Variants in SNTB1 observed in about 807,000 individuals in gnomAD.
The protein encoded by SNTB1 is syntrophin beta 1.
Under a neutral mutation model 48.9 loss-of-function variants are expected in SNTB1, and 36 were observed. The ratio of observed to expected loss-of-function variants is 0.74; its 90% CI spans 0.56 to 0.97. The LOEUF is 0.97. Among genes scored for constraint, SNTB1 ranks in the 50% least tolerant of loss-of-function variants. SNTB1 has a pLI of 0.00. For missense variants in SNTB1, 786 were observed against 703.4 expected (o/e 1.12, Z -1.33); for synonymous variants, 299 against 294.6 (o/e 1.01, Z -0.15).
At chr8:120,578,304 G>T (rs569086523) in intron 3 of SNTB1, among the ~76,000 whole-genome samples, 6 of 152,006 alleles carry the variant, frequency 3.9e-5, no homozygotes, top group African/African-American at 1.5e-4. Context: ...GAACAACAGG[G>T]TTTTAAAAGC....
chr8:120,633,507 A>C (rs1817018877), intron 2 of SNTB1, among the ~76,000 whole-genome samples: 1 of 152,178 alleles, frequency 6.6e-6, no homozygotes, highest in African/African-American at 2.4e-5. Context: ...TGGAAGGCTG[A>C]GACTGGAGAA....
intron 2 of SNTB1, among the ~76,000 whole-genome samples, chr8:120,676,536 G>A (rs1364594344): frequency 6.6e-6 from 1 of 152,188 alleles, no homozygotes; most frequent in Non-Finnish European, 1.5e-5. Flanking sequence ...TTAGTTCTCA[G>A]CTGCTATGAG....
At chr8:120,778,472 T>C (rs1476657552) in intron 1 of SNTB1, among the ~76,000 whole-genome samples, 1 of 152,246 alleles carries the variant, frequency 6.6e-6, no homozygotes. Flanking sequence ...CTGGCATTTC[T>C]GCAAACTTTT....
At chr8:120,787,936 C>G (rs546259329) in intron 1 of SNTB1, among the ~76,000 whole-genome samples, 238 of 152,276 alleles carry the variant, frequency 1.6e-3, no homozygotes, top group Non-Finnish European at 2.4e-3. Flanking sequence ...ATCAGGCTAT[C>G]TAAACTCAAC....
chr8:120,624,872 A>G (rs1201180142), intron 3 of SNTB1, among the ~76,000 whole-genome samples: 1 of 152,236 alleles, frequency 6.6e-6, no homozygotes, highest in Admixed American at 6.5e-5. Flanking sequence ...AGGGAGAAAT[A>G]GGCAAGAAGA....
intron 1 of SNTB1, among the ~76,000 whole-genome samples, chr8:120,797,546 C>CTTTTTTT (rs60374035): frequency 3.2e-4 from 22 of 69,110 alleles, no homozygotes; most frequent in South Asian, 1.4e-3. Context: ...ACTTGTTTCT[C>CTTTTTTT]TTTTTTTTTT....
At chr8:120,654,836 A>C in intron 2 of SNTB1, 1 of 365,648 alleles carries the variant, frequency 2.7e-6, no homozygotes, top group Middle Eastern at 3.8e-4. Flanking sequence ...AAATTAATAA[A>C]TAAAACAAAA....
At chr8:120,706,043 C>T (rs1205700881) in intron 1 of SNTB1, among the ~76,000 whole-genome samples, 1 of 151,986 alleles carries the variant, frequency 6.6e-6, no homozygotes, top group African/African-American at 2.4e-5. Context: ...CAGCACCTAT[C>T]TCTTAGGATT....
intron 1 of SNTB1, among the ~76,000 whole-genome samples, chr8:120,698,332 A>T (rs1419651372): frequency 6.6e-6 from 1 of 152,184 alleles, no homozygotes; most frequent in Non-Finnish European, 1.5e-5. Context: ...TCCAGAAAAT[A>T]AATTTTCAAT....
At chr8:120,689,080 A>C (rs1156667104) in intron 2 of SNTB1, among the ~76,000 whole-genome samples, 2 of 152,250 alleles carry the variant, frequency 1.3e-5, no homozygotes, top group African/African-American at 4.8e-5. Flanking sequence ...ACTGACAGCC[A>C]CTAGCATTGA....
chr8:120,594,965 A>G (rs919301512), intron 3 of SNTB1, among the ~76,000 whole-genome samples: 3 of 152,002 alleles, frequency 2.0e-5, no homozygotes, highest in Non-Finnish European at 4.4e-5. Context: ...AAAATGGTCA[A>G]TTTTATGTTA....
intron 1 of SNTB1, among the ~76,000 whole-genome samples, chr8:120,787,213 T>A (rs1396802991): frequency 6.6e-6 from 1 of 151,752 alleles, no homozygotes; most frequent in Non-Finnish European, 1.5e-5. Context: ...AAATAATTTT[T>A]AAAAAAAGTT....
At chr8:120,559,636 C>T (rs1260471678) in intron 4 of SNTB1, among the ~76,000 whole-genome samples, 2 of 151,940 alleles carry the variant, frequency 1.3e-5, no homozygotes, top group African/African-American at 4.8e-5. Flanking sequence ...TCAAATATGC[C>T]CCCTTAGCCT....
At chr8:120,669,266 G>C (rs1274624628) in intron 2 of SNTB1, among the ~76,000 whole-genome samples, 2 of 152,200 alleles carry the variant, frequency 1.3e-5, no homozygotes, top group Admixed American at 6.5e-5. Flanking sequence ...CCAAGGCACT[G>C]AGTGAATTTA....
chr8:120,757,621 C>G (rs963699282), intron 1 of SNTB1, among the ~76,000 whole-genome samples: 2 of 152,108 alleles, frequency 1.3e-5, no homozygotes, highest in Non-Finnish European at 2.9e-5. Flanking sequence ...CCTAATCACC[C>G]CAGATGTCTC....
At chr8:120,777,350 A>AT (rs1407782372) in intron 1 of SNTB1, among the ~76,000 whole-genome samples, 3 of 152,030 alleles carry the variant, frequency 2.0e-5, no homozygotes, top group African/African-American at 7.2e-5. Flanking sequence ...TCAAAGCTCC[A>AT]TTTTTCAGCC....
chr8:120,608,288 A>G (rs1816558586), intron 3 of SNTB1, among the ~76,000 whole-genome samples: 1 of 152,242 alleles, frequency 6.6e-6, no homozygotes, highest in Non-Finnish European at 1.5e-5. Flanking sequence ...CATGAACAAC[A>G]GTTATGGGTG....
chr8:120,620,956 TC>T lies in SNTB1; in HGVS notation c.996+11487del, dbSNP rs201924269. Reference sequence around the variant, plus strand: ...CTTCTTCCCTCTCTTTTCTTTTCTTTCTTTTTTCTTTCTTTCTCTCCCTCTC... The same window carrying T: ...CTTCTTCCCTCTCTTTTCTTTTCTTTTTTTTTCTTTCTTTCTCTCCCTCTC... On this transcript the variant is annotated intron_variant, in intron 3 of 6. Transcript: ENST00000517992. Among the ~76,000 whole-genome samples, 393 of 103,550 alleles carry T rather than the reference TC, an allele frequency of 3.8e-3. 1 individual carries two copies. Among genetic ancestry groups the T allele is most frequent in the African/African-American group, 9.9e-3 (384 of 38,808 alleles). 67.9% of individuals were successfully genotyped at this position (103,550 alleles called of 152,430 possible).
chr8:120,672,927 G>A (rs1443507955), intron 2 of SNTB1, among the ~76,000 whole-genome samples: 3 of 152,174 alleles, frequency 2.0e-5, no homozygotes, highest in Non-Finnish European at 2.9e-5. Context: ...TGGAGGGCAG[G>A]AGGAAGGGAA....
Sources: allele counts gnomAD v4.1 joint callset (sites outside exome capture counted in the v4.1 genomes callset), GRCh38; gene constraint gnomAD v4.1.1; transcripts MANE v1.5; gene names NCBI Gene and HGNC (gene_info 2026-07-23, HGNC 2026-07-21).